The following CLCNKA variants were observed in gnomAD, a reference collection of about 807,000 sequenced individuals.
The protein encoded by CLCNKA is chloride channel protein ClC-Ka.
In CLCNKA, 66 loss-of-function variants were observed where a neutral mutation model predicts 83.3. The observed-to-expected ratio is 0.79, with a 90% CI of 0.65 to 0.97. The LOEUF (loss-of-function observed/expected upper bound fraction) is 0.97. Among genes scored for constraint, CLCNKA ranks in the 50% least tolerant of loss-of-function variants. CLCNKA has a pLI of 0.00. For synonymous variants in CLCNKA, 357 were observed against 370.4 expected, an observed-to-expected ratio of 0.96 and a Z score of 0.42; for missense variants, 806 against 888.7, an observed-to-expected ratio of 0.91 and a Z score of 1.18.
Position 16,030,550 on chromosome 1 carries a change from C to A in CLCNKA, c.1498C>A (p.Pro500Thr), listed in dbSNP as rs1219420142. ...GACCGGCCAGATAGTGCATGCACTG[C>A]CCGTGCTGATGGCGGTGCTGGCAGC... is the stretch of plus-strand genomic sequence containing the variant. The part of the protein sequence containing the change: ...ELTGQIVHAL[P>T]VLMAVLAANA... Residue 500 changes from proline (P) to threonine (T), a missense_variant, in exon 15 of 20, where the codon CCC (proline) becomes ACC (threonine). Transcript: ENST00000331433. 1.9e-6 allele frequency: 3 copies of A among 1,613,164 alleles called. No homozygotes were observed. In the South Asian group the frequency reaches 3.3e-5, roughly 18 times the overall value.
At chr1:16,023,778 G>A in intron 2 of CLCNKA, 22 bp from the exon 3 acceptor site, 1 of 1,613,692 alleles carries the variant, frequency 6.2e-7, no homozygotes, top group Non-Finnish European at 8.5e-7. Context: ...ACATAAGCTG[G>A]GACTCCGATA....
In CLCNKA at chr1:16,026,208, C is replaced by G. The variant is rs1169269145; in HGVS notation, c.459C>G (p.Cys153Trp). Residue 153 changes from cysteine to tryptophan, a missense_variant, in exon 5 of 20, where the codon TGC (cysteine) becomes TGG (tryptophan). Coordinates refer to ENST00000331433, the MANE Select transcript of CLCNKA (RefSeq NM_004070.4). ...NFGAKVVGLSCTLATGSTLFL... is the reference protein window; with the variant it reads ...NFGAKVVGLSWTLATGSTLFL... ...GGGCCAAGGTGGTGGGCCTCTCCTG[C>G]ACCCTGGCCACCGGCAGCACCCTGT... 6.2e-7 allele frequency: 1 copy of G among 1,613,794 alleles called. No homozygotes were observed. The highest frequency in any genetic ancestry group is 8.5e-7 in the Non-Finnish European group (1 of 1,180,024).
chr1:16,030,388 C>G, intron 14 of CLCNKA, 73 bp from the exon 15 acceptor site: 1 of 1,568,726 alleles, frequency 6.4e-7, no homozygotes, highest in Non-Finnish European at 8.7e-7. Flanking sequence ...AGCAGCCAGG[C>G]TAGTTATTCC....
At position 16,033,967 on chromosome 1, in the gene CLCNKA, T is replaced by G. The variant is rs2124066194; in HGVS notation, c.*309T>G. The G allele has an allele frequency of 2.4e-5, 11 of 454,546 alleles. 1 individual carries two copies. Among genetic ancestry groups the G allele is most frequent in the South Asian group, 2.1e-4 (11 of 52,984 alleles). 28.2% of individuals were successfully genotyped at this position (454,546 alleles called of 1,614,324 possible). On this transcript the variant is annotated 3_prime_UTR_variant, in exon 20 of 20. Transcript: ENST00000331433. ...TGAATGACGAGATTGGAGTACACTG[T>G]CACCAAGGGCAGGCAAAGATGCCCT...
intron 7 of CLCNKA, 100 bp downstream of exon 7, chr1:16,026,875 G>A: frequency 6.7e-7 from 1 of 1,488,238 alleles, no homozygotes; most frequent in Non-Finnish European, 9.3e-7. Flanking sequence ...GAGGGGATGG[G>A]GCTCATTCTT....
In CLCNKA at chr1:16,029,811, G is replaced by A; in HGVS notation, c.1297+11G>A. On this transcript the variant is annotated intron_variant, in intron 13 of 19. Coordinates refer to ENST00000331433, the MANE Select transcript of CLCNKA (RefSeq NM_004070.4). The stretch of plus-strand genomic sequence containing the variant: ...CCATCTTTATCCTTGGTGAGTCTGG[G>A]GTCCTGAGGTTCTGAGAGTTTTGGG... 9.3e-6 allele frequency: 15 copies of A among 1,614,118 alleles called. No individual in the cohort carries two copies. Among genetic ancestry groups the A allele is most frequent in the Non-Finnish European group, 1.3e-5 (15 of 1,180,004 alleles).
At position 16,031,778 on chromosome 1, in the gene CLCNKA, T is replaced by A; in HGVS notation, c.1691T>A (p.Leu564Gln). The change falls in exon 16 of 20, where the codon CTG (leucine) becomes CAG (glutamine). Residue 564 changes from leucine (L) to glutamine (Q), a missense_variant. Coordinates refer to ENST00000331433, the MANE Select transcript of CLCNKA (RefSeq NM_004070.4). ...ACCACACTGGCCAAGGACACGCCGCTGGAGGAGGTGGTCAAGGTTGTGACC... is the reference window on the plus strand; with the variant it reads ...ACCACACTGGCCAAGGACACGCCGCAGGAGGAGGTGGTCAAGGTTGTGACC... ...SITTLAKDTPLEEVVKVVTST... is the reference protein window; with the variant it reads ...SITTLAKDTPQEEVVKVVTST... The A allele has an allele frequency of 6.2e-7, 1 of 1,613,960 alleles. No individual in the cohort carries two copies. The highest frequency in any genetic ancestry group is 8.5e-7 in the Non-Finnish European group (1 of 1,180,032).
intron 10 of CLCNKA, chr1:16,028,558 C>T (rs765404194): frequency 1.4e-6 from 1 of 709,932 alleles, no homozygotes; most frequent in Non-Finnish European, 2.5e-6. Flanking sequence ...CTCAGTCATA[C>T]CCAGTTGAGG....
At position 16,027,951 on chromosome 1, in the gene CLCNKA, C is replaced by T. The variant is rs184146945; in HGVS notation, c.866+46C>T. 3.0e-4 allele frequency: 485 copies of T among 1,614,024 alleles called. 2 individuals carry two copies. In the African/African-American group the frequency reaches 5.8e-3, roughly 19 times the overall value. Reference sequence around the variant, plus strand: ...CCTGAGAGTCCAAAAGGCATTCCCCCCAAGGCCTGGACTGCGGCCCCTGGT... The same window carrying T: ...CCTGAGAGTCCAAAAGGCATTCCCCTCAAGGCCTGGACTGCGGCCCCTGGT... On this transcript the variant is annotated intron_variant, in intron 9 of 19. Coordinates refer to ENST00000331433, the MANE Select transcript of CLCNKA (RefSeq NM_004070.4).
At chr1:16,030,746 C>T (rs2022590757) in intron 15 of CLCNKA, 72 bp downstream of exon 15, 12 of 1,598,062 alleles carry the variant, frequency 7.5e-6, no homozygotes, top group Non-Finnish European at 9.4e-6. Context: ...TGGAGGGCAC[C>T]TCCAAAAAGA....
rs537330187 is a variant in CLCNKA, at chr1:16,025,443, A to G, written c.358+552A>G. On this transcript the variant is annotated intron_variant, in intron 4 of 19. Transcript: ENST00000331433. ...TCCCAGCACTTTGGGAGGTGGGTGGATCACTTGATCCCAGGTGTTCAAGAG... is the reference window on the plus strand; with the variant it reads ...TCCCAGCACTTTGGGAGGTGGGTGGGTCACTTGATCCCAGGTGTTCAAGAG... Among the ~76,000 whole-genome samples, 337 of 152,310 alleles carry G rather than the reference A, an allele frequency of 2.2e-3. 2 individuals are homozygous for G. The highest frequency in any genetic ancestry group is 3.4e-3 in the Middle Eastern group (1 of 294).
intron 14 of CLCNKA, 133 bp from the exon 15 acceptor site, chr1:16,030,328 C>T (rs2022572655): frequency 1.7e-6 from 2 of 1,167,428 alleles, no homozygotes; most frequent in Admixed American, 2.1e-5. Context: ...GGGGCACTTC[C>T]CACAGTGCCC....
intron 2 of CLCNKA, 125 bp from the exon 3 acceptor site, chr1:16,023,675 C>G: frequency 1.7e-6 from 2 of 1,155,118 alleles, no homozygotes; most frequent in African/African-American, 1.5e-5. Context: ...GGCGGGGCCC[C>G]CTCAGGACTA....
chr1:16,024,502 T>G (rs3897355), intron 3 of CLCNKA, among the ~76,000 whole-genome samples: 17 of 152,276 alleles, frequency 1.1e-4, no homozygotes, highest in East Asian at 5.8e-4. Context: ...AGCCAATCAC[T>G]AGCCCACTTG....
intron 15 of CLCNKA, 147 bp from the exon 16 acceptor site, chr1:16,031,563 G>GTCCCTCA: frequency 8.8e-7 from 1 of 1,136,642 alleles, no homozygotes; most frequent in Non-Finnish European, 1.3e-6. Context: ...GGTTCTAGGA[G>GTCCCTCA]TCCCTCATTC....
rs999878759 is a variant in CLCNKA at position 16,032,222 on chromosome 1, C to T, written c.1776C>T (p.Gly592=). 23 of 1,612,064 alleles carry T rather than the reference C, an allele frequency of 1.4e-5. No individual in the cohort carries two copies. The Middle Eastern group carries it at 8.3e-4, about 58-fold the overall frequency. The change falls in exon 17 of 20, where the codon GGC becomes GGT. Residue 592 remains glycine, a synonymous_variant. Coordinates refer to ENST00000331433, the MANE Select transcript of CLCNKA (RefSeq NM_004070.4). ...VESTESQILV[G]IVQRAQLVQA... is the part of the protein sequence containing the mutation. ...TGCCAGAGTCCCAGATCCTGGTAGG[C>T]ATCGTGCAGAGGGCCCAGCTGGTGC...
At chr1:16,023,499 G>A (rs1237421724) in intron 2 of CLCNKA, among the ~76,000 whole-genome samples, 1 of 152,324 alleles carries the variant, frequency 6.6e-6, no homozygotes, top group East Asian at 1.9e-4. Context: ...ACTGTCACCT[G>A]CCACAAATCC....
At chr1:16,025,209 C>T (rs2022301248) in intron 4 of CLCNKA, among the ~76,000 whole-genome samples, 1 of 152,236 alleles carries the variant, frequency 6.6e-6, no homozygotes, top group South Asian at 2.1e-4. Context: ...CAGAGGGGAG[C>T]TCCAGGCTCA....
rs751282325 is a variant in CLCNKA at position 16,031,711 on chromosome 1, T to C, written c.1624T>C (p.Ser542Pro). Residue 542 changes from serine to proline, a missense_variant and splice_region_variant, in exon 16 of 20, where the codon TCC becomes CCC. Coordinates refer to ENST00000331433, the MANE Select transcript of CLCNKA (RefSeq NM_004070.4). ...LPRILGRNIG[S>P]HHVRVEHFMN... ...TGATGGGAGCCCCTCTGCCTGCAGCTCCCACCATGTGAGGGTGGAGCACTT... is the reference window on the plus strand; with the variant it reads ...TGATGGGAGCCCCTCTGCCTGCAGCCCCCACCATGTGAGGGTGGAGCACTT... The C allele has an allele frequency of 6.2e-7, 1 of 1,613,644 alleles. No individual in the cohort carries two copies. The highest frequency in any genetic ancestry group is 8.5e-7 in the Non-Finnish European group (1 of 1,180,002).
Sources: allele counts gnomAD v4.1 joint callset (sites outside exome capture counted in the v4.1 genomes callset), GRCh38; gene constraint gnomAD v4.1.1; transcripts MANE v1.5; gene names NCBI Gene and HGNC (gene_info 2026-07-23, HGNC 2026-07-21).